The following MORC1 variants were observed in gnomAD, a reference collection of about 807,000 sequenced individuals.
MORC1 encodes the protein MORC family CW-type zinc finger 1.
A neutral mutation model predicts 134.9 loss-of-function variants in MORC1; 59 were observed. The ratio of observed to expected loss-of-function variants is 0.44; its 90% confidence interval spans 0.35 to 0.54. The LOEUF is 0.54. Ranked by LOEUF, MORC1 falls within the 20% of genes least tolerant of loss-of-function variation. MORC1 has a pLI of 0.00. For synonymous variants in MORC1, 395 were observed against 391.7 expected (o/e 1.01, Z -0.10); for missense variants, 947 against 1,134.5 (o/e 0.83, Z 2.37).
chr3:109,105,111 G>A (rs1042565698), intron 3 of MORC1, among the ~76,000 whole-genome samples: 35 of 152,146 alleles, frequency 2.3e-4, no homozygotes, highest in African/African-American at 7.2e-4. Context: ...GACTGGATGT[G>A]GTAGCTCACG....
intron 6 of MORC1, among the ~76,000 whole-genome samples, chr3:109,098,397 T>C (rs1198898950): frequency 6.6e-6 from 1 of 152,166 alleles, no homozygotes. Context: ...AGCATCACTT[T>C]TCCTCAGGTC....
At chr3:109,001,730 T>C (rs1399452377) in intron 20 of MORC1, among the ~76,000 whole-genome samples, 1 of 152,218 alleles carries the variant, frequency 6.6e-6, no homozygotes, top group African/African-American at 2.4e-5. Flanking sequence ...TAGTCCTTCT[T>C]TTCTTCTTAC....
intron 17 of MORC1, among the ~76,000 whole-genome samples, chr3:109,015,657 C>G (rs1948800533): frequency 6.6e-6 from 1 of 152,172 alleles, no homozygotes; most frequent in African/African-American, 2.4e-5. Flanking sequence ...CAATGTTCTT[C>G]ATATGCATAG....
At chr3:108,983,607 ATAACT>A (rs1466975116) in intron 23 of MORC1, among the ~76,000 whole-genome samples, 3 of 152,186 alleles carry the variant, frequency 2.0e-5, no homozygotes, top group African/African-American at 7.2e-5. Context: ...ATTCAAACAG[ATAACT>A]TCACTTGACT....
chr3:108,959,329 T>C (rs569341596), intron 27 of MORC1, among the ~76,000 whole-genome samples: 1 of 152,246 alleles, frequency 6.6e-6, no homozygotes, highest in African/African-American at 2.4e-5. Context: ...TCATTTTTTT[T>C]ATTCTGTAGT....
chr3:109,091,535 G>A (rs965860828), intron 8 of MORC1, among the ~76,000 whole-genome samples: 4 of 151,954 alleles, frequency 2.6e-5, no homozygotes, highest in Admixed American at 1.3e-4. Flanking sequence ...GAGACAGTAG[G>A]TCAAAATCAA....
At chr3:108,984,811 A>G in intron 22 of MORC1, 29 bp from the exon 23 acceptor site, 1 of 1,569,382 alleles carries the variant, frequency 6.4e-7, no homozygotes, top group Non-Finnish European at 8.7e-7. Flanking sequence ...AAACAATCGC[A>G]TTTGGATGAT....
At chr3:109,085,487 T>C (rs1200403748) in intron 8 of MORC1, among the ~76,000 whole-genome samples, 1 of 152,034 alleles carries the variant, frequency 6.6e-6, no homozygotes, top group Non-Finnish European at 1.5e-5. Flanking sequence ...AACATACAAA[T>C]AGCCAAAGGT....
intron 6 of MORC1, among the ~76,000 whole-genome samples, chr3:109,095,897 C>T (rs1314072035): frequency 1.3e-5 from 2 of 152,074 alleles, no homozygotes; most frequent in Admixed American, 6.6e-5. Context: ...GCCCCACTCA[C>T]AGTCTCAGAG....
At chr3:108,966,024 T>C (rs886901362) in intron 26 of MORC1, among the ~76,000 whole-genome samples, 1 of 152,206 alleles carries the variant, frequency 6.6e-6, no homozygotes, top group Non-Finnish European at 1.5e-5. Flanking sequence ...CCAGGAAGTT[T>C]CTATGAAAGG....
chr3:108,987,057 G>A (rs1947913430), intron 21 of MORC1, 108 bp from the exon 22 acceptor site: 1 of 720,698 alleles, frequency 1.4e-6, no homozygotes, highest in Non-Finnish European at 2.1e-6. Flanking sequence ...AAATCATAAT[G>A]TTAGCAGCAG....
At chr3:109,104,248 T>A (rs545498813) in intron 3 of MORC1, among the ~76,000 whole-genome samples, 1 of 152,214 alleles carries the variant, frequency 6.6e-6, no homozygotes, top group South Asian at 2.1e-4. Context: ...AAAAGGTAAA[T>A]GGTGAAGTGA....
At chr3:109,066,932 T>G (rs1281670557) in intron 9 of MORC1, among the ~76,000 whole-genome samples, 1 of 151,718 alleles carries the variant, frequency 6.6e-6, no homozygotes, top group Non-Finnish European at 1.5e-5. Context: ...TAATAAAAGA[T>G]TAAATAATTC....
rs371805794 is a variant in MORC1, at chr3:109,059,880, T to A, written c.967-10A>T. 5.4e-4 allele frequency: 867 copies of A among 1,609,632 alleles called. 3 individuals carry two copies. Among genetic ancestry groups the A allele is most frequent in the Middle Eastern group, 1.8e-3 (11 of 6,038 alleles). ...CTCTCTGTAATACATCCTGGAGAAA[T>A]GCATTGGTTGGGAGAGAACATAATG... On this transcript the variant is annotated splice_polypyrimidine_tract_variant and intron_variant, in intron 11 of 27. Coordinates refer to ENST00000232603, the MANE Select transcript of MORC1 (RefSeq NM_014429.4).
intron 21 of MORC1, among the ~76,000 whole-genome samples, chr3:108,990,725 T>C (rs990112284): frequency 1.1e-4 from 16 of 152,108 alleles, no homozygotes; most frequent in African/African-American, 3.4e-4. Context: ...TGGATCCCTA[T>C]TGTTTAGGAC....
intron 8 of MORC1, among the ~76,000 whole-genome samples, chr3:109,084,919 G>A (rs901200710): frequency 3.9e-5 from 6 of 152,000 alleles, no homozygotes; most frequent in African/African-American, 1.4e-4. Flanking sequence ...CTCAACAAAC[G>A]GTGCGGGGAA....
intron 8 of MORC1, among the ~76,000 whole-genome samples, chr3:109,080,085 G>A (rs892225124): frequency 2.6e-5 from 4 of 152,094 alleles, no homozygotes; most frequent in African/African-American, 9.7e-5. Context: ...AATAAACTGA[G>A]GTCCTGTGAG....
chr3:109,047,757 A>G (rs1949725877), intron 14 of MORC1, among the ~76,000 whole-genome samples: 1 of 152,198 alleles, frequency 6.6e-6, no homozygotes, highest in Non-Finnish European at 1.5e-5. Context: ...TTAGCAGTAT[A>G]GAGTTCAGTT....
chr3:108,993,977 A>AAC (rs1948132328), intron 21 of MORC1, among the ~76,000 whole-genome samples: 1 of 152,188 alleles, frequency 6.6e-6, no homozygotes, highest in African/African-American at 2.4e-5. Context: ...CAGTTTTTAT[A>AAC]ACATACCATG....
Sources: allele counts gnomAD v4.1 joint callset (sites outside exome capture counted in the v4.1 genomes callset), GRCh38; gene constraint gnomAD v4.1.1; transcripts MANE v1.5; gene names NCBI Gene and HGNC (gene_info 2026-07-23, HGNC 2026-07-21).